The following TENM4 variants were observed in gnomAD, a reference collection of about 807,000 sequenced individuals.
TENM4 encodes the protein teneurin-4.
In TENM4, 82 loss-of-function variants were observed where a neutral mutation model predicts 243.3. That is an observed-to-expected ratio of 0.34 (90% confidence interval 0.28 to 0.40). The LOEUF (loss-of-function observed/expected upper bound fraction) is 0.40, where lower values mean the gene tolerates loss of function less well. Among genes scored for constraint, TENM4 ranks in the 10% least tolerant of loss-of-function variants. TENM4 has a pLI of 1.00. For synonymous variants in TENM4, 1,412 were observed against 1,456.3 expected, an observed-to-expected ratio of 0.97 and a Z score of 0.69; for missense variants, 3,138 against 3,673.3, an observed-to-expected ratio of 0.85 and a Z score of 3.77.
chr11:78,846,074 C>T (rs1157902286), intron 12 of TENM4, among the ~76,000 whole-genome samples: 1 of 152,156 alleles, frequency 6.6e-6, no homozygotes, highest in African/African-American at 2.4e-5. Flanking sequence ...TGGATGTCAC[C>T]ACTCCAGAAA....
At chr11:78,851,219 C>T (rs1858530600) in intron 12 of TENM4, among the ~76,000 whole-genome samples, 1 of 152,178 alleles carries the variant, frequency 6.6e-6, no homozygotes, top group Non-Finnish European at 1.5e-5. Context: ...CCTGCTGAAG[C>T]AGAATCTGCA....
chr11:78,726,564 A>C (rs965631868), intron 22 of TENM4, among the ~76,000 whole-genome samples: 9 of 152,084 alleles, frequency 5.9e-5, no homozygotes, highest in African/African-American at 1.7e-4. Flanking sequence ...TTTAATTGTA[A>C]TCCCCAGTGT....
intron 1 of TENM4, among the ~76,000 whole-genome samples, chr11:79,338,818 C>T (rs369501689): frequency 2.0e-3 from 301 of 152,298 alleles, no homozygotes; most frequent in African/African-American, 6.5e-3. Flanking sequence ...GTCACACTCA[C>T]GGAGCCTCAG....
intron 2 of TENM4, among the ~76,000 whole-genome samples, chr11:79,279,384 G>T (rs1015002284): frequency 3.9e-5 from 6 of 152,194 alleles, no homozygotes; most frequent in African/African-American, 1.4e-4. Context: ...GGGAGAGGAA[G>T]TGTAAACTTT....
intron 1 of TENM4, among the ~76,000 whole-genome samples, chr11:79,373,340 GGA>G (rs1476659597): frequency 1.1e-4 from 17 of 149,482 alleles, no homozygotes; most frequent in East Asian, 3.9e-4. Flanking sequence ...CTGGATGGAT[GGA>G]TGGATGGATG....
intron 6 of TENM4, among the ~76,000 whole-genome samples, chr11:78,913,567 T>C (rs1316832680): frequency 1.3e-5 from 2 of 148,574 alleles, no homozygotes; most frequent in Non-Finnish European, 3.0e-5. Context: ...GGAACCATAG[T>C]TGATGGGTAA....
intron 15 of TENM4, among the ~76,000 whole-genome samples, chr11:78,799,181 C>T (rs1208509756): frequency 6.6e-6 from 1 of 152,174 alleles, no homozygotes; most frequent in African/African-American, 2.4e-5. Context: ...CTCCCTTGTG[C>T]TGTGGGCCAC....
At chr11:78,858,220 T>A (rs909644877) in intron 10 of TENM4, among the ~76,000 whole-genome samples, 3 of 152,186 alleles carry the variant, frequency 2.0e-5, no homozygotes, top group African/African-American at 7.2e-5. Context: ...TTTTGCAGCC[T>A]TATAAGTCAG....
At chr11:79,439,790 C>A (rs1205367973) in intron 1 of TENM4, among the ~76,000 whole-genome samples, 1 of 152,158 alleles carries the variant, frequency 6.6e-6, no homozygotes, top group Non-Finnish European at 1.5e-5. Flanking sequence ...ACATTTCAAC[C>A]CAGAGCACAT....
intron 2 of TENM4, among the ~76,000 whole-genome samples, chr11:79,247,285 C>T (rs1367019154): frequency 6.6e-6 from 1 of 151,860 alleles, no homozygotes; most frequent in African/African-American, 2.4e-5. Flanking sequence ...GGCATGGTGG[C>T]AAGTGCCTGT....
chr11:79,361,338 T>G (rs1364827638), intron 1 of TENM4, among the ~76,000 whole-genome samples: 1 of 152,252 alleles, frequency 6.6e-6, no homozygotes, highest in Non-Finnish European at 1.5e-5. Flanking sequence ...AATACAGTTC[T>G]CTGCTGGACT....
rs950466527 is a variant in TENM4 at position 79,082,551 on chromosome 11, C to T, written c.-65-12542G>A. Among the ~76,000 whole-genome samples, 3 of 135,726 alleles carry T rather than the reference C, an allele frequency of 2.2e-5. No homozygotes were observed. In the South Asian group the frequency reaches 7.1e-4, roughly 32 times the overall value. The allele number at this position is 135,726 out of a possible 152,430, so 89.0% of individuals were successfully genotyped here. A position where few individuals can be genotyped will look rare whatever the true frequency, so the allele number is the denominator to read the frequency against. On this transcript the variant is annotated intron_variant, in intron 4 of 33. Transcript: ENST00000278550. ...ACATTTAATCTATGCCTGAGAACTG[C>T]CCTGATACCCCAGAAAAATGCACAT... is the stretch of plus-strand genomic sequence containing the variant.
intron 6 of TENM4, among the ~76,000 whole-genome samples, chr11:78,964,323 G>A (rs1322119280): frequency 6.6e-6 from 1 of 152,136 alleles, no homozygotes; most frequent in Non-Finnish European, 1.5e-5. Context: ...TTACAGGTGT[G>A]AGCCACCGTG....
chr11:78,886,230 A>G (rs942976042), intron 9 of TENM4, among the ~76,000 whole-genome samples: 2 of 152,258 alleles, frequency 1.3e-5, no homozygotes, highest in Non-Finnish European at 2.9e-5. Flanking sequence ...TTTTTCATCA[A>G]AAATCTAATT....
Position 78,667,184 on chromosome 11 carries a change from C to T in TENM4, c.7408+1753G>A, listed in dbSNP as rs896837722. Among the ~76,000 whole-genome samples, 34 of 152,194 alleles carry T rather than the reference C, an allele frequency of 2.2e-4. 1 individual carries two copies. Among genetic ancestry groups the T allele is most frequent in the African/African-American group, 6.5e-4 (27 of 41,524 alleles). On this transcript the variant is annotated intron_variant, in intron 32 of 33. Transcript: ENST00000278550. ...AGCATATTCATGTTTATCCATAGGC[C>T]CCAAGTCTGTTTTCATCACACCTGT...
intron 1 of TENM4, among the ~76,000 whole-genome samples, chr11:79,340,472 G>A (rs1338234163): frequency 6.6e-6 from 1 of 152,128 alleles, no homozygotes; most frequent in African/African-American, 2.4e-5. Context: ...TCTTGAGGCT[G>A]GCTGGACTGG....
At chr11:79,248,516 G>T (rs970353673) in intron 2 of TENM4, among the ~76,000 whole-genome samples, 1 of 152,046 alleles carries the variant, frequency 6.6e-6, no homozygotes, top group East Asian at 1.9e-4. Flanking sequence ...CAACTGTGTC[G>T]GTAATTTCAT....
chr11:78,859,199 G>C (rs1433894987), intron 10 of TENM4, among the ~76,000 whole-genome samples: 1 of 152,056 alleles, frequency 6.6e-6, no homozygotes, highest in East Asian at 1.9e-4. Flanking sequence ...TGGCATCCTA[G>C]GGTACAAAAA....
Position 78,809,826 on chromosome 11 carries a change from G to A in TENM4, c.1978+2296C>T, listed in dbSNP as rs190579185. On this transcript the variant is annotated intron_variant, in intron 14 of 33. Coordinates refer to ENST00000278550, the MANE Select transcript of TENM4 (RefSeq NM_001098816.3). ...AAGCATAGCCCATTAACAAAATGAT[G>A]AGGCCTGCATGACCAGGCTGCGGAC... Among the ~76,000 whole-genome samples, 195 of 152,264 alleles carry A rather than the reference G, an allele frequency of 1.3e-3. 1 individual carries two copies. The highest frequency in any genetic ancestry group is 1.9e-3 in the Non-Finnish European group (130 of 68,016).
Sources: allele counts gnomAD v4.1 joint callset (sites outside exome capture counted in the v4.1 genomes callset), GRCh38; gene constraint gnomAD v4.1.1; transcripts MANE v1.5; gene names NCBI Gene and HGNC (gene_info 2026-07-23, HGNC 2026-07-21).